ONECUT2: variants seen among roughly 807,000 people sequenced by gnomAD.
ONECUT2 encodes one cut domain family member 2.
Under a neutral mutation model 27.9 loss-of-function variants are expected in ONECUT2, and 10 were observed. The observed-to-expected ratio is 0.36, with a 90% CI of 0.22 to 0.61. The LOEUF (loss-of-function observed/expected upper bound fraction) is 0.61, where lower values mean the gene tolerates loss of function less well. ONECUT2 is among the 20% of genes least tolerant of loss of function. The pLI is 0.73. For synonymous variants in ONECUT2, 334 were observed against 315.1 expected (o/e 1.06, Z -0.64); for missense variants, 686 against 721.0 (o/e 0.95, Z 0.56).
chr18:57,480,312 C>G lies in ONECUT2; in HGVS notation c.*3589C>G, dbSNP rs994446109. ...GCATATTTCAGCAGAGGAGTGTTCC[C>G]ATGTGGGTTGATTTCAACTTGGGTA... On this transcript the variant is annotated 3_prime_UTR_variant, in exon 2 of 2. Coordinates refer to ENST00000491143, the MANE Select transcript of ONECUT2 (RefSeq NM_004852.3). 2 of 152,176 alleles carry G rather than the reference C, an allele frequency of 1.3e-5. No homozygotes were observed. 9.4% of individuals were successfully genotyped at this position (152,176 alleles called of 1,614,324 possible).
rs942082464 is a variant in ONECUT2 at position 57,488,347 on chromosome 18, ACACT to A, written c.*11628_*11631del. On this transcript the variant is annotated 3_prime_UTR_variant, in exon 2 of 2. Coordinates refer to ENST00000491143, the MANE Select transcript of ONECUT2 (RefSeq NM_004852.3). ...TATTTGTTTCAGCAAAGTTTTCCTGACACTCACAAACCCACAAACTGTTCCTCTT... is the reference window on the plus strand; with the variant it reads ...TATTTGTTTCAGCAAAGTTTTCCTGACACAAACCCACAAACTGTTCCTCTT... 1 of 152,578 alleles carries A rather than the reference ACACT, an allele frequency of 6.6e-6. No homozygotes were observed. Among genetic ancestry groups the A allele is most frequent in the Non-Finnish European group, 1.5e-5 (1 of 68,038 alleles). 9.5% of individuals were successfully genotyped at this position (152,578 alleles called of 1,614,324 possible). A position where few individuals can be genotyped will look rare whatever the true frequency, so the allele number is the denominator to read the frequency against.
chr18:57,455,042 TATC>T (rs1411241126), intron 1 of ONECUT2, among the ~76,000 whole-genome samples: 3 of 152,216 alleles, frequency 2.0e-5, no homozygotes, highest in African/African-American at 7.2e-5. Context: ...TGGGGGGCCT[TATC>T]AGAAAGTTAT....
At chr18:57,458,462 A>G (rs977899500) in intron 1 of ONECUT2, among the ~76,000 whole-genome samples, 4 of 152,260 alleles carry the variant, frequency 2.6e-5, no homozygotes, top group East Asian at 3.8e-4. Flanking sequence ...TTGTTTTCAC[A>G]TAAGTGGCAT....
chr18:57,441,546 A>G (rs1052548586), intron 1 of ONECUT2, among the ~76,000 whole-genome samples: 1 of 152,150 alleles, frequency 6.6e-6, no homozygotes, highest in South Asian at 2.1e-4. Context: ...CCCTGTGCGC[A>G]CACACCGCTA....
At chr18:57,446,150 C>T (rs1361885515) in intron 1 of ONECUT2, among the ~76,000 whole-genome samples, 1 of 152,216 alleles carries the variant, frequency 6.6e-6, no homozygotes, top group African/African-American at 2.4e-5. Flanking sequence ...CACTGCCCTC[C>T]CAGGGGCTCG....
intron 1 of ONECUT2, among the ~76,000 whole-genome samples, chr18:57,446,737 T>C (rs1598932359): frequency 6.6e-6 from 1 of 152,324 alleles, no homozygotes; most frequent in Middle Eastern, 3.4e-3. Flanking sequence ...TTCTAATTCA[T>C]TGCCAAGGAG....
At chr18:57,458,206 A>G (rs11662219) in intron 1 of ONECUT2, among the ~76,000 whole-genome samples, 78,568 of 152,140 alleles carry the variant, frequency 0.52, 22,991 homozygotes, top group Non-Finnish European at 0.67. Context: ...TAAGCAATGC[A>G]TTAAAACATT....
intron 1 of ONECUT2, among the ~76,000 whole-genome samples, chr18:57,445,747 AC>A (rs1282888260): frequency 1.3e-5 from 2 of 152,250 alleles, no homozygotes; most frequent in African/African-American, 4.8e-5. Flanking sequence ...CTCAGCAAAC[AC>A]AATTTCACTG....
chr18:57,436,136 T>C lies in ONECUT2; in HGVS notation c.420T>C (p.Pro140=), dbSNP rs1465623856. ...GCATGTCCTGCGACTCGTCTCCGCCTGGCATGGGCATGAGCAACACCTACA... is the reference window on the plus strand; with the variant it reads ...GCATGTCCTGCGACTCGTCTCCGCCCGGCATGGGCATGAGCAACACCTACA... ...AMSMSCDSSP[P]GMGMSNTYTT... The change falls in exon 1 of 2, where the codon CCT becomes CCC. Residue 140 remains proline, a synonymous_variant. Transcript: ENST00000491143. The surrounding 1 kb of genome is among the most constrained non-coding windows in gnomAD (Gnocchi z 5.9). 2.5e-6 allele frequency: 4 copies of C among 1,604,062 alleles called. No homozygotes were observed. Among genetic ancestry groups the C allele is most frequent in the African/African-American group, 1.3e-5 (1 of 75,012 alleles).
chr18:57,457,123 A>C (rs1181356221), intron 1 of ONECUT2, among the ~76,000 whole-genome samples: 2 of 152,322 alleles, frequency 1.3e-5, no homozygotes, highest in East Asian at 3.9e-4. Context: ...CTATTTCCAT[A>C]GTGGCTACAT....
At chr18:57,448,371 G>A (rs1256896223) in intron 1 of ONECUT2, among the ~76,000 whole-genome samples, 1 of 152,124 alleles carries the variant, frequency 6.6e-6, no homozygotes, top group East Asian at 1.9e-4. Context: ...GGCCCTTTGT[G>A]TAAAAGGAGG....
At chr18:57,460,963 G>A (rs1477681457) in intron 1 of ONECUT2, among the ~76,000 whole-genome samples, 3 of 152,200 alleles carry the variant, frequency 2.0e-5, no homozygotes, top group South Asian at 2.1e-4. Flanking sequence ...GCATTATGGC[G>A]TGAGCCACCA....
At chr18:57,461,213 G>A (rs1009612037) in intron 1 of ONECUT2, among the ~76,000 whole-genome samples, 1 of 151,652 alleles carries the variant, frequency 6.6e-6, no homozygotes, top group African/African-American at 2.4e-5. Flanking sequence ...ATTCCTTTGT[G>A]TCTGATTTCT....
Position 57,480,404 on chromosome 18 carries a change from G to T in ONECUT2, c.*3681G>T, listed in dbSNP as rs2050409644. The T allele has an allele frequency of 6.6e-6, 1 of 152,150 alleles. No homozygotes were observed. The highest frequency in any genetic ancestry group is 2.4e-5 in the African/African-American group (1 of 41,418). 9.4% of individuals were successfully genotyped at this position (152,150 alleles called of 1,614,324 possible). On this transcript the variant is annotated 3_prime_UTR_variant, in exon 2 of 2. Coordinates refer to ENST00000491143, the MANE Select transcript of ONECUT2 (RefSeq NM_004852.3). ...TTGCTCTTTTCCAGACTGGATTGAGGAATGGAGCCTGTTTGATTTGGTTAG... is the reference window on the plus strand; with the variant it reads ...TTGCTCTTTTCCAGACTGGATTGAGTAATGGAGCCTGTTTGATTTGGTTAG...
Position 57,435,819 on chromosome 18 carries a change from C to T in ONECUT2, c.103C>T (p.Pro35Ser). 1.8e-6 allele frequency: 2 copies of T among 1,127,896 alleles called. No individual in the cohort carries two copies. Among genetic ancestry groups the T allele is most frequent in the South Asian group, 2.6e-5 (1 of 39,126 alleles). 69.9% of individuals were successfully genotyped at this position (1,127,896 alleles called of 1,614,324 possible). A position where few individuals can be genotyped will look rare whatever the true frequency, so the allele number is the denominator to read the frequency against. ...TMESLGTLHG[P>S]AGGGSGGGGG... Reference sequence around the variant, plus strand: ...GGAAAGTCTGGGCACTTTGCACGGGCCGGCCGGCGGCGGCAGTGGCGGGGG... The same window carrying T: ...GGAAAGTCTGGGCACTTTGCACGGGTCGGCCGGCGGCGGCAGTGGCGGGGG... Residue 35 changes from proline (P) to serine (S), a missense_variant, in exon 1 of 2, where the codon CCG (proline) becomes TCG (serine). Pro to Ser is a moderately conservative substitution (Grantham distance 74). Around this residue, in one of 4 missense-constraint regions of ONECUT2, gnomAD observed 511 missense variants for 488.1 expected, o/e 1.05. Coordinates refer to ENST00000491143, the MANE Select transcript of ONECUT2 (RefSeq NM_004852.3).
At chr18:57,469,279 A>G (rs928512185) in intron 1 of ONECUT2, among the ~76,000 whole-genome samples, 1 of 152,160 alleles carries the variant, frequency 6.6e-6, no homozygotes, top group Non-Finnish European at 1.5e-5. Context: ...CTGCAGGTGT[A>G]CTTTTCAAAC....
In ONECUT2 at chr18:57,466,018, T is replaced by C. The variant is rs560586363; in HGVS notation, c.1229-10419T>C. ...GCTCCTCTTGTACCTGTGCTCACCCTGAGTGCTCTGGAAACTACTTCTCCA... is the reference window on the plus strand; with the variant it reads ...GCTCCTCTTGTACCTGTGCTCACCCCGAGTGCTCTGGAAACTACTTCTCCA... On this transcript the variant is annotated intron_variant, in intron 1 of 1. Coordinates refer to ENST00000491143, the MANE Select transcript of ONECUT2 (RefSeq NM_004852.3). 1.3e-3 allele frequency among the ~76,000 whole-genome samples: 193 copies of C among 152,358 alleles called. 2 individuals are homozygous for C. Among genetic ancestry groups the C allele is most frequent in the African/African-American group, 4.2e-3 (174 of 41,582 alleles).
chr18:57,442,934 C>A (rs1287832629), intron 1 of ONECUT2, among the ~76,000 whole-genome samples: 1 of 152,140 alleles, frequency 6.6e-6, no homozygotes, highest in Admixed American at 6.5e-5. Context: ...GGAGAGCCAG[C>A]CTCTCCTGCT....
chr18:57,442,985 T>C (rs1341485307), intron 1 of ONECUT2, among the ~76,000 whole-genome samples: 1 of 152,096 alleles, frequency 6.6e-6, no homozygotes, highest in Non-Finnish European at 1.5e-5. Context: ...ACCCCCGATA[T>C]GAGAGAGAGC....
Sources: allele counts gnomAD v4.1 joint callset (sites outside exome capture counted in the v4.1 genomes callset), GRCh38; gene constraint gnomAD v4.1.1; regional missense constraint gnomAD v4.1.1; non-coding constraint Gnocchi (gnomAD v3.1); transcripts MANE v1.5; gene names NCBI Gene and HGNC (gene_info 2026-07-23, HGNC 2026-07-21).